Variants in THNSL1 observed in about 807,000 individuals in gnomAD.
THNSL1 encodes threonine synthase-like 1.
THNSL1 carries 48 observed loss-of-function variants against 50.4 expected under a neutral mutation model. The ratio of observed to expected loss-of-function variants is 0.95; its 90% confidence interval spans 0.76 to 1.21. THNSL1 has a LOEUF of 1.21. Ranked by LOEUF, THNSL1 falls within the 50% of genes most tolerant of loss-of-function variation. The probability of loss-of-function intolerance (pLI) is 0.00; values close to 1 mark genes in which losing one functional copy is unlikely to be tolerated. For missense variants in THNSL1, 896 were observed against 871.7 expected, an observed-to-expected ratio of 1.03 and a Z score of -0.35; for synonymous variants, 309 against 306.1, an observed-to-expected ratio of 1.01 and a Z score of -0.10.
upstream of THNSL1, chr10:25,015,918 A>G: frequency 6.2e-7 from 1 of 1,608,448 alleles, no homozygotes. Context: ...ATGCACTCAG[A>G]AGAGCACGTT....
the THNSL1 span, among the ~76,000 whole-genome samples, chr10:24,967,306 C>T: frequency 6.6e-6 from 1 of 152,070 alleles, no homozygotes; most frequent in Non-Finnish European, 1.5e-5. Context: ...ATAGTGAAAC[C>T]GTGTGATTTC....
At chr10:25,011,929 A>T (rs180811093), upstream of THNSL1, among the ~76,000 whole-genome samples, 141 of 152,358 alleles carry the variant, frequency 9.3e-4, 1 homozygote, top group Admixed American at 9.1e-3. Flanking sequence ...TCTCCACAGC[A>T]GCCCCTCCCA....
At chr10:25,020,567 G>C (rs578054144) in intron 1 of THNSL1, among the ~76,000 whole-genome samples, 107 of 152,060 alleles carry the variant, frequency 7.0e-4, no homozygotes, top group Non-Finnish European at 1.4e-3. Flanking sequence ...AGGAGTTCGA[G>C]ATCAGTCTGG....
chr10:24,972,085 A>T, the THNSL1 span, among the ~76,000 whole-genome samples: 1 of 151,608 alleles, frequency 6.6e-6, no homozygotes, highest in East Asian at 1.9e-4. Context: ...CCAGCTACTC[A>T]GGAGGCTGAG....
the THNSL1 span, among the ~76,000 whole-genome samples, chr10:25,004,698 C>T: frequency 0.067 from 10,219 of 152,170 alleles, 1,130 homozygotes; most frequent in African/African-American, 0.23. Context: ...CAAAAATTTT[C>T]TCCCATTCTG....
the THNSL1 span, among the ~76,000 whole-genome samples, chr10:24,969,179 C>T: frequency 2.0e-5 from 3 of 152,178 alleles, no homozygotes; most frequent in African/African-American, 7.2e-5. Context: ...CAGGAATGAG[C>T]CACCGCGCCC....
chr10:25,002,647 A>G, the THNSL1 span, among the ~76,000 whole-genome samples: 148 of 152,250 alleles, frequency 9.7e-4, 2 homozygotes, highest in South Asian at 0.013. Flanking sequence ...TTTTGGTTGA[A>G]AGCAGTTCAG....
chr10:25,012,963 G>A (rs1850484459), upstream of THNSL1, among the ~76,000 whole-genome samples: 1 of 152,152 alleles, frequency 6.6e-6, no homozygotes, highest in South Asian at 2.1e-4. Context: ...GTCATGGGAG[G>A]GATCTGGTGA....
chr10:24,957,585 A>G, the THNSL1 span, among the ~76,000 whole-genome samples: 1 of 152,038 alleles, frequency 6.6e-6, no homozygotes. Flanking sequence ...GATTCAGGTG[A>G]TTGTCCTGCC....
the THNSL1 span, among the ~76,000 whole-genome samples, chr10:24,962,896 A>G: frequency 6.6e-6 from 1 of 152,230 alleles, no homozygotes; most frequent in Non-Finnish European, 1.5e-5. Context: ...CACACAAAGC[A>G]AACAACCCTA....
chr10:24,965,088 C>G, the THNSL1 span, among the ~76,000 whole-genome samples: 2 of 151,870 alleles, frequency 1.3e-5, no homozygotes, highest in Non-Finnish European at 2.9e-5. Flanking sequence ...TTAGAACCAT[C>G]CAGTCTAAGA....
chr10:24,984,506 C>A, the THNSL1 span: 1 of 1,248,602 alleles, frequency 8.0e-7, no homozygotes, highest in South Asian at 1.6e-5. Flanking sequence ...AACACATATT[C>A]TCAAATTTAA....
In THNSL1 at chr10:25,023,314, C is replaced by G; in HGVS notation, c.91C>G (p.Arg31Gly). 1 of 1,614,076 alleles carries G rather than the reference C, an allele frequency of 6.2e-7. No individual in the cohort carries two copies. The highest frequency in any genetic ancestry group is 8.5e-7 in the Non-Finnish European group (1 of 1,179,976). The change falls in exon 3 of 3, where the codon CGA becomes GGA. Residue 31 changes from arginine to glycine, a missense_variant. By Grantham distance (125) the Arg-to-Gly change is moderately radical. Transcript: ENST00000376356. The stretch of plus-strand genomic sequence containing the variant: ...TGTTAAAACGGATAAACATGCACAG[C>G]GATTTCTTTCAAGAACCTTTGCACT... ...IHVKTDKHAQ[R>G]FLSRTFALAE...
chr10:25,022,573 T>C (rs1430578056), intron 2 of THNSL1, among the ~76,000 whole-genome samples: 1 of 152,236 alleles, frequency 6.6e-6, no homozygotes, highest in Non-Finnish European at 1.5e-5. Flanking sequence ...TGTCATACCT[T>C]TGTCCTGTAG....
the THNSL1 span, among the ~76,000 whole-genome samples, chr10:24,961,952 G>A: frequency 2.7e-3 from 409 of 152,204 alleles, 1 homozygote; most frequent in South Asian, 7.9e-3. Flanking sequence ...CTGCTTCTTA[G>A]GGTTACTGTG....
chr10:24,987,054 C>G, the THNSL1 span, among the ~76,000 whole-genome samples: 2 of 152,282 alleles, frequency 1.3e-5, no homozygotes, highest in South Asian at 4.1e-4. Flanking sequence ...CCAGCTCTTT[C>G]GCCCTCTGGC....
the THNSL1 span, among the ~76,000 whole-genome samples, chr10:24,974,904 G>A: frequency 6.6e-6 from 1 of 152,200 alleles, no homozygotes; most frequent in Non-Finnish European, 1.5e-5. Flanking sequence ...CTAAGATAAT[G>A]TTAAAATTTG....
At position 25,025,356 on chromosome 10, in the gene THNSL1, A is replaced by C; in HGVS notation, c.2133A>C (p.Arg711Ser). 2 of 1,614,196 alleles carry C rather than the reference A, an allele frequency of 1.2e-6. 1 individual carries two copies. Among genetic ancestry groups the C allele is most frequent in the South Asian group, 2.2e-5 (2 of 91,078 alleles). Residue 711 changes from arginine to serine, a missense_variant, in exon 3 of 3, where the codon AGA becomes AGC. Physicochemically the swap from Arg to Ser is moderately radical, Grantham distance 110. Transcript: ENST00000376356. ...LPPLHEALLE[R>S]TKQQEKMEYQ... is the part of the protein sequence containing the mutation. ...CACTGCATGAGGCTTTATTAGAGAG[A>C]ACAAAACAGCAAGAGAAGATGGAGT...
In THNSL1 at chr10:25,025,453, T is replaced by C; in HGVS notation, c.2230T>C (p.Ter744ArgextTer5). 11 of 1,594,362 alleles carry C rather than the reference T, an allele frequency of 6.9e-6. No homozygotes were observed. Among genetic ancestry groups the C allele is most frequent in the Non-Finnish European group, 8.5e-6 (10 of 1,172,724 alleles). The change falls in exon 3 of 3, where the codon TGA becomes CGA. Residue 744 changes from the stop codon to arginine, a stop_lost. Transcript: ENST00000376356. The stretch of plus-strand genomic sequence containing the variant: ...ACAACTTGTCCAAAATCAATTCATA[T>C]GAAAGCTTTCAGAGTAAATTTTTTT... ...VEQLVQNQFI[*>R]
Sources: allele counts gnomAD v4.1 joint callset (sites outside exome capture counted in the v4.1 genomes callset), GRCh38; gene constraint gnomAD v4.1.1; transcripts MANE v1.5; gene names NCBI Gene and HGNC (gene_info 2026-07-23, HGNC 2026-07-21).